Variants in MAK16 observed in about 807,000 individuals in gnomAD.
MAK16 encodes MAK16 homolog, also known as protein MAK16 homolog.
MAK16 carries 12 observed loss-of-function variants against 49.9 expected under a neutral mutation model. That is an observed-to-expected ratio of 0.24 (90% CI 0.15 to 0.39). MAK16 has a LOEUF of 0.39. Ranked by LOEUF, MAK16 falls within the 10% of genes least tolerant of loss-of-function variation. MAK16 has a pLI of 1.00. For missense variants in MAK16, 292 were observed against 363.7 expected, an observed-to-expected ratio of 0.80 and a Z score of 1.60; for synonymous variants, 115 against 126.4, an observed-to-expected ratio of 0.91 and a Z score of 0.60.
At chr8:33,491,308 G>C (rs1249364217) in intron 6 of MAK16, among the ~76,000 whole-genome samples, 1 of 152,222 alleles carries the variant, frequency 6.6e-6, no homozygotes, top group Non-Finnish European at 1.5e-5. Context: ...AAGTGGGACT[G>C]CTAGATGGTA....
intron 6 of MAK16, among the ~76,000 whole-genome samples, chr8:33,491,627 CTTTTTTTTTT>C (rs554026888): frequency 1.1e-5 from 1 of 89,890 alleles, no homozygotes; most frequent in South Asian, 3.8e-4. Flanking sequence ...CTGCCCCCTG[CTTTTTTTTTT>C]TTTTTTTTTT....
In MAK16 at chr8:33,500,396, TCTTAACAGA is replaced by T; in HGVS notation, c.*1770_*1778del. The T allele has an allele frequency of 6.2e-7, 1 of 1,614,106 alleles. No homozygotes were observed. The highest frequency in any genetic ancestry group is 8.5e-7 in the Non-Finnish European group (1 of 1,180,016). ...TCTGTGGCCTCCTGTAGCAGGGCGC[TCTTAACAGA>T]CTCAGGTGTAAGGTTTGGATCCCTT... On this transcript the variant is annotated 3_prime_UTR_variant, in exon 10 of 10. Coordinates refer to ENST00000360128, the MANE Select transcript of MAK16 (RefSeq NM_032509.4).
rs1363257664 is a variant in MAK16, at chr8:33,498,514, G to C, written c.788G>C (p.Ser263Thr). The change falls in exon 10 of 10, where the codon AGT (serine) becomes ACT (threonine). Residue 263 changes from serine to threonine, a missense_variant. Physicochemically the swap from Ser to Thr is moderately conservative, Grantham distance 58 (BLOSUM62 1). Coordinates refer to ENST00000360128, the MANE Select transcript of MAK16 (RefSeq NM_032509.4). ...SSEEEEEKAL[S>T]AKHKGKMPLR... ...GAGGAGGAGGAAGAAAAGGCCCTTA[G>C]TGCGAAACACAAAGGCAAAATGCCC... 10 of 1,614,102 alleles carry C rather than the reference G, an allele frequency of 6.2e-6. No homozygotes were observed. In the East Asian group the frequency reaches 2.2e-4, roughly 36 times the overall value.
intron 6 of MAK16, among the ~76,000 whole-genome samples, chr8:33,493,073 T>C (rs1392329224): frequency 1.3e-5 from 2 of 152,174 alleles, no homozygotes; most frequent in South Asian, 2.1e-4. Flanking sequence ...ATCACAGTTA[T>C]GTATCTAAAA....
chr8:33,499,696 C>T lies in MAK16; in HGVS notation c.*1067C>T. The stretch of plus-strand genomic sequence containing the variant: ...TTTTTTTCCTGCTGGGTAGATTGTC[C>T]AGTGACTTATGGCATGAATTTCTTT... On this transcript the variant is annotated 3_prime_UTR_variant, in exon 10 of 10. Transcript: ENST00000360128. The T allele has an allele frequency of 5.7e-6, 1 of 174,420 alleles. No homozygotes were observed. The highest frequency in any genetic ancestry group is 1.6e-4 in the East Asian group (1 of 6,168). The allele number at this position is 174,420 out of a possible 1,614,324, so 10.8% of individuals were successfully genotyped here.
At position 33,488,421 on chromosome 8, in the gene MAK16, A is replaced by C; in HGVS notation, c.59A>C (p.Lys20Thr). ...GGAAACAAGCAATTTTGTTCCTTCAAAATAAGGTGAGTCTCAATTTACAAC... is the reference window on the plus strand; with the variant it reads ...GGAAACAAGCAATTTTGTTCCTTCACAATAAGGTGAGTCTCAATTTACAAC... ...TLGNKQFCSFKIRTKTQSFCR... is the reference protein window; with the variant it reads ...TLGNKQFCSFTIRTKTQSFCR... Residue 20 changes from lysine (K) to threonine (T), a missense_variant, in exon 2 of 10, where the codon AAA becomes ACA. Physicochemically the swap from Lys to Thr is moderately conservative, Grantham distance 78 (BLOSUM62 -1). Coordinates refer to ENST00000360128, the MANE Select transcript of MAK16 (RefSeq NM_032509.4). 6.2e-7 allele frequency: 1 copy of C among 1,614,132 alleles called. No homozygotes were observed. The highest frequency in any genetic ancestry group is 8.5e-7 in the Non-Finnish European group (1 of 1,180,020).
intron 9 of MAK16, among the ~76,000 whole-genome samples, chr8:33,498,220 C>T (rs757835652): frequency 1.2e-4 from 17 of 138,978 alleles, no homozygotes; most frequent in Non-Finnish European, 2.1e-4. Flanking sequence ...TGCAGTGAGC[C>T]ATGACTATGC....
intron 1 of MAK16, chr8:33,485,485 A>G (rs978288110): frequency 8.7e-5 from 46 of 526,122 alleles, no homozygotes; most frequent in Non-Finnish European, 3.4e-6. Flanking sequence ...GTGCCTACCA[A>G]TGCAGGACGT....
At position 33,498,680 on chromosome 8, in the gene MAK16, T is replaced by TC; in HGVS notation, c.*51_*52insC. 1 of 1,528,050 alleles carries TC rather than the reference T, an allele frequency of 6.5e-7. No individual in the cohort carries two copies. The highest frequency in any genetic ancestry group is 1.2e-5 in the South Asian group (1 of 83,206). 94.7% of individuals were successfully genotyped at this position (1,528,050 alleles called of 1,614,324 possible). ...GACTGAACATGCAGAACTGTTTTTT[T>TC]TTTTTTTTTATCTTAAACACATACA... On this transcript the variant is annotated 3_prime_UTR_variant, in exon 10 of 10. Transcript: ENST00000360128.
At chr8:33,495,737 G>C (rs1384826773) in intron 7 of MAK16, 121 bp downstream of exon 7, 3 of 515,022 alleles carry the variant, frequency 5.8e-6, no homozygotes, top group Non-Finnish European at 9.0e-6. Context: ...TTTTTTTTGA[G>C]ATGGAGTCTT....
rs544085178 is a variant in MAK16, at chr8:33,485,905, A to C, written c.15+684A>C. Among the ~76,000 whole-genome samples the C allele has an allele frequency of 3.3e-5, 5 of 152,338 alleles. No homozygotes were observed. In the South Asian group the frequency reaches 8.3e-4, roughly 25 times the overall value. Reference sequence around the variant, plus strand: ...AGAAAGACCAGAGATGATGAAGGACACTTCAGATAGGGTTACTCAGGGAAG... The same window carrying C: ...AGAAAGACCAGAGATGATGAAGGACCCTTCAGATAGGGTTACTCAGGGAAG... On this transcript the variant is annotated intron_variant, in intron 1 of 9. Coordinates refer to ENST00000360128, the MANE Select transcript of MAK16 (RefSeq NM_032509.4).
rs756958453 is a variant in MAK16 at position 33,498,434 on chromosome 8, T to C, written c.708T>C (p.Asp236=). The C allele has an allele frequency of 1.2e-6, 2 of 1,613,832 alleles. No individual in the cohort carries two copies. The highest frequency in any genetic ancestry group is 1.7e-6 in the Non-Finnish European group (2 of 1,179,922). ...TATCTTTTCTCTCCCCGTAATAGGA[T>C]ATGGATAAACTGGATGCCAGCAGTG... ...VDESDISDFE[D]MDKLDASSDE... is the part of the protein sequence containing the mutation. Residue 236 remains aspartate, a splice_region_variant and synonymous_variant, in exon 10 of 10, where the codon GAT becomes GAC. Coordinates refer to ENST00000360128, the MANE Select transcript of MAK16 (RefSeq NM_032509.4).
At chr8:33,491,954 C>T (rs1808785984) in intron 6 of MAK16, among the ~76,000 whole-genome samples, 1 of 150,518 alleles carries the variant, frequency 6.6e-6, no homozygotes, top group African/African-American at 2.4e-5. Context: ...CTTTTTAATC[C>T]AATAATTAGA....
rs116992353 is a variant in MAK16, at chr8:33,489,397, C to T, written c.392+258C>T. 3.8e-3 allele frequency: 1,426 copies of T among 372,362 alleles called. 13 individuals carry two copies. Among genetic ancestry groups the T allele is most frequent in the Middle Eastern group, 0.019 (24 of 1,270 alleles). 23.1% of individuals were successfully genotyped at this position (372,362 alleles called of 1,614,324 possible). On this transcript the variant is annotated intron_variant, in intron 5 of 9. Coordinates refer to ENST00000360128, the MANE Select transcript of MAK16 (RefSeq NM_032509.4). This position sits in a 1 kb window ranked among gnomAD's most constrained non-coding sequence, Gnocchi z 4.2. ...AATTTTATTTTCTTTTTTGTTAAGA[C>T]GGAGTCTCACTCTGTCGCCCAGGCT...
At chr8:33,485,564 A>G (rs1808675053) in intron 1 of MAK16, 1 of 404,830 alleles carries the variant, frequency 2.5e-6, no homozygotes, top group East Asian at 4.3e-5. Context: ...GGATTTGGCG[A>G]AGCTGACTCC....
intron 1 of MAK16, chr8:33,485,562 C>T: frequency 2.5e-6 from 1 of 403,452 alleles, no homozygotes; most frequent in Non-Finnish European, 4.6e-6. Context: ...CGGGATTTGG[C>T]GAAGCTGACT....
rs201745553 is a variant in MAK16 at position 33,494,840 on chromosome 8, G to A, written c.448-702G>A. 6.5e-4 allele frequency among the ~76,000 whole-genome samples: 99 copies of A among 151,740 alleles called. 1 individual carries two copies. The East Asian group carries it at 0.018, about 27-fold the overall frequency. On this transcript the variant is annotated intron_variant, in intron 6 of 9. Transcript: ENST00000360128. ...GTTGCCCAGGCTGGAGTGCAGTGGCGTGATCTCGGCTCACTGCAAGTTCCG... is the reference window on the plus strand; with the variant it reads ...GTTGCCCAGGCTGGAGTGCAGTGGCATGATCTCGGCTCACTGCAAGTTCCG...
At chr8:33,487,348 G>C (rs1808704481) in intron 1 of MAK16, among the ~76,000 whole-genome samples, 1 of 151,978 alleles carries the variant, frequency 6.6e-6, no homozygotes. Flanking sequence ...AAGTACAGGA[G>C]GATAGCAGTA....
chr8:33,497,449 C>T lies in MAK16; in HGVS notation c.705+152C>T, dbSNP rs564586929. 1.2e-4 allele frequency: 71 copies of T among 595,178 alleles called. No individual in the cohort carries two copies. In the South Asian group the frequency reaches 1.4e-3, roughly 12 times the overall value. 36.9% of individuals were successfully genotyped at this position (595,178 alleles called of 1,614,324 possible). On this transcript the variant is annotated intron_variant, in intron 9 of 9. Coordinates refer to ENST00000360128, the MANE Select transcript of MAK16 (RefSeq NM_032509.4). The stretch of plus-strand genomic sequence containing the variant: ...GGAGGATTGTTTGAGCTCAGGAGTT[C>T]GAGACCAGCCTGAAGAACATAGTGA...
Sources: allele counts gnomAD v4.1 joint callset (sites outside exome capture counted in the v4.1 genomes callset), GRCh38; gene constraint gnomAD v4.1.1; non-coding constraint Gnocchi (gnomAD v3.1); transcripts MANE v1.5; gene names NCBI Gene and HGNC (gene_info 2026-07-23, HGNC 2026-07-21).